CLCC1: variants seen among roughly 807,000 people sequenced by gnomAD.
CLCC1 encodes chloride channel CLIC-like protein 1.
A neutral mutation model predicts 63.3 loss-of-function variants in CLCC1; 39 were observed. The observed-to-expected ratio is 0.62, with a 90% CI of 0.48 to 0.81. CLCC1 has a LOEUF of 0.81. Ranked by LOEUF, CLCC1 falls within the 30% of genes least tolerant of loss-of-function variation. The pLI is 0.00. For missense variants in CLCC1, 549 were observed against 669.4 expected, an observed-to-expected ratio of 0.82 and a Z score of 1.98; for synonymous variants, 217 against 239.8, an observed-to-expected ratio of 0.90 and a Z score of 0.88.
intron 10 of CLCC1, among the ~76,000 whole-genome samples, chr1:108,938,112 A>G (rs338483): frequency 0.36 from 54,098 of 152,084 alleles, 11,665 homozygotes; most frequent in African/African-American, 0.6. Context: ...CAGTACTCGT[A>G]TGTTTTAAAT....
intron 3 of CLCC1, 140 bp downstream of exon 3, chr1:108,950,169 A>C: frequency 1.1e-6 from 1 of 880,182 alleles, no homozygotes; most frequent in South Asian, 2.0e-5. Flanking sequence ...TTTTAGATTA[A>C]CAGTGTCAAG....
At chr1:108,939,482 A>AT (rs1217590120) in intron 10 of CLCC1, among the ~76,000 whole-genome samples, 154 bp downstream of exon 10, 9 of 150,118 alleles carry the variant, frequency 6.0e-5, no homozygotes, top group African/African-American at 9.8e-5. Flanking sequence ...AATTTTTTGT[A>AT]TTTTTTTTAG....
chr1:108,936,085 G>GTTTTTTTT (rs530980387), intron 11 of CLCC1, among the ~76,000 whole-genome samples: 4 of 88,118 alleles, frequency 4.5e-5, no homozygotes, highest in Admixed American at 3.0e-4. Flanking sequence ...ATCTTAAGTT[G>GTTTTTTTT]TTTTTTTTTT....
intron 2 of CLCC1, among the ~76,000 whole-genome samples, chr1:108,954,508 C>G (rs371650183): frequency 6.6e-6 from 1 of 150,822 alleles, no homozygotes; most frequent in Non-Finnish European, 1.5e-5. Context: ...TCAAAAACAA[C>G]AACAACCACC....
intron 4 of CLCC1, among the ~76,000 whole-genome samples, chr1:108,948,789 T>C (rs1402202327): frequency 6.6e-6 from 1 of 152,250 alleles, no homozygotes; most frequent in Non-Finnish European, 1.5e-5. Flanking sequence ...AACTTTTGTA[T>C]AGCTCACTAT....
chr1:108,939,241 TATAA>T (rs1457169464), intron 10 of CLCC1, among the ~76,000 whole-genome samples: 89 of 145,770 alleles, frequency 6.1e-4, no homozygotes, highest in East Asian at 3.5e-3. Flanking sequence ...ATAATAAATA[TATAA>T]ATATAGACAG....
In CLCC1 at chr1:108,943,471, A is replaced by G; in HGVS notation, c.702+4T>C. On this transcript the variant is annotated splice_donor_region_variant and intron_variant, in intron 7 of 12. Coordinates refer to ENST00000369969, the MANE Select transcript of CLCC1 (RefSeq NM_001377458.1). ...AATTGTAAAACCCTCCATCCATATA[A>G]TACCTTATATAAATACATCCAATTC... 1.2e-6 allele frequency: 2 copies of G among 1,612,660 alleles called. No homozygotes were observed. The highest frequency in any genetic ancestry group is 1.7e-4 in the Middle Eastern group (1 of 6,060).
chr1:108,943,705 A>C, intron 6 of CLCC1, 90 bp from the exon 7 acceptor site: 1 of 1,540,878 alleles, frequency 6.5e-7, no homozygotes, highest in Admixed American at 1.8e-5. Flanking sequence ...TCATTTCTAC[A>C]ATTTTGTGGC....
In CLCC1 at chr1:108,943,525, T is replaced by C; in HGVS notation, c.652A>G (p.Ile218Val). ...CCCAAACTGAACAGAAAGCTGATGA[T>C]TAAAACACGTCTCAACTGAGTGTAC... is the stretch of plus-strand genomic sequence containing the variant. Reference protein sequence around the residue: ...RWYTQLRRVLIISFLFSLGWN... With the variant: ...RWYTQLRRVLVISFLFSLGWN... Residue 218 changes from isoleucine to valine, a missense_variant, in exon 7 of 13, where the codon ATC (isoleucine) becomes GTC (valine). Physicochemically the swap from Ile to Val is conservative, Grantham distance 29 (BLOSUM62 3). Coordinates refer to ENST00000369969, the MANE Select transcript of CLCC1 (RefSeq NM_001377458.1). The C allele has an allele frequency of 1.2e-6, 2 of 1,614,160 alleles. No homozygotes were observed. The highest frequency in any genetic ancestry group is 1.7e-6 in the Non-Finnish European group (2 of 1,179,994).
chr1:108,929,807 A>T lies in CLCC1; in HGVS notation c.*2740T>A. The T allele has an allele frequency of 6.2e-7, 1 of 1,614,174 alleles. No individual in the cohort carries two copies. The highest frequency in any genetic ancestry group is 8.5e-7 in the Non-Finnish European group (1 of 1,179,988). On this transcript the variant is annotated 3_prime_UTR_variant, in exon 13 of 13. Transcript: ENST00000369969. ...AGCCTTATTTTACGGTCCCAGGGAA[A>T]GAGAATGGATGAACAGAGAGTTCTT...
Position 108,933,784 on chromosome 1 carries a change from A to C in CLCC1, c.*45+841T>G, listed in dbSNP as rs1156359939. On this transcript the variant is annotated intron_variant, in intron 12 of 12. Transcript: ENST00000369969. Reference sequence around the variant, plus strand: ...CTGATGTCCTGTCTGCAGTTAAGGAAGACACCCAACTCTCTTCTTCCTCAT... The same window carrying C: ...CTGATGTCCTGTCTGCAGTTAAGGACGACACCCAACTCTCTTCTTCCTCAT... The C allele has an allele frequency of 2.0e-5, 3 of 152,238 alleles. 1 individual carries two copies. The highest frequency in any genetic ancestry group is 4.8e-5 in the African/African-American group (2 of 41,466). The allele number at this position is 152,238 out of a possible 1,614,324, so 9.4% of individuals were successfully genotyped here. A position where few individuals can be genotyped will look rare whatever the true frequency, so the allele number is the denominator to read the frequency against.
intron 4 of CLCC1, 103 bp downstream of exon 4, chr1:108,949,717 G>A (rs1047274708): frequency 2.6e-5 from 15 of 580,284 alleles, no homozygotes; most frequent in African/African-American, 2.4e-4. Context: ...AAAATCATAC[G>A]GTACACGGAA....
At chr1:108,939,926 CA>C (rs1209547300) in intron 9 of CLCC1, 118 bp downstream of exon 9, 1 of 1,272,920 alleles carries the variant, frequency 7.9e-7, no homozygotes, top group Non-Finnish European at 1.1e-6. Context: ...AATCACTGTG[CA>C]AAAGTATTTT....
In CLCC1 at chr1:108,937,271, C is replaced by T. The variant is rs751983843; in HGVS notation, c.1189G>A (p.Asp397Asn). The T allele has an allele frequency of 5.0e-6, 8 of 1,614,090 alleles. No homozygotes were observed. Among genetic ancestry groups the T allele is most frequent in the Non-Finnish European group, 5.9e-6 (7 of 1,180,038 alleles). Reference sequence around the variant, plus strand: ...CCCATTTGGCCCCTATAATGGAAATCGGCATCACCTGCTCCACCATCAGGT... The same window carrying T: ...CCCATTTGGCCCCTATAATGGAAATTGGCATCACCTGCTCCACCATCAGGT... ...YRPDGGAGDA[D>N]FHYRGQMGPT... Residue 397 changes from aspartate (D) to asparagine (N), a missense_variant, in exon 11 of 13, where the codon GAT becomes AAT. Transcript: ENST00000369969.
At position 108,940,958 on chromosome 1, in the gene CLCC1, T is replaced by TA. The variant is rs1000956959; in HGVS notation, c.796+446dup. Among the ~76,000 whole-genome samples the TA allele has an allele frequency of 5.3e-5, 8 of 152,160 alleles. No individual in the cohort carries two copies. In the South Asian group the frequency reaches 1.7e-3, roughly 32 times the overall value. ...AGAATGTTTATAAAATGTGAAAGAATAAAAAAACTAATTTTTCCCGTAGTT... is the reference window on the plus strand; with the variant it reads ...AGAATGTTTATAAAATGTGAAAGAATAAAAAAAACTAATTTTTCCCGTAGTT... On this transcript the variant is annotated intron_variant, in intron 8 of 12. Transcript: ENST00000369969.
chr1:108,951,757 A>G (rs539885719), intron 2 of CLCC1, among the ~76,000 whole-genome samples: 1 of 147,334 alleles, frequency 6.8e-6, no homozygotes, highest in Non-Finnish European at 1.5e-5. Context: ...AAAACCGTTG[A>G]ATTGTATACT....
chr1:108,946,634 G>T (rs1034846296), intron 5 of CLCC1, among the ~76,000 whole-genome samples: 1 of 152,082 alleles, frequency 6.6e-6, no homozygotes, highest in Admixed American at 6.6e-5. Context: ...TGGCAGGTGG[G>T]GCTAATGGCC....
At chr1:108,956,882 A>AGGCTGGGAGGCGGGGAGGCGGGGAGGGG (rs756017179) in intron 2 of CLCC1, among the ~76,000 whole-genome samples, 1 of 104,420 alleles carries the variant, frequency 9.6e-6, no homozygotes, top group African/African-American at 4.1e-5. Context: ...GCTGGGAGGC[A>AGGCTGGGAGGCGGGGAGGCGGGGAGGGG]GGGAGGCGGG....
intron 3 of CLCC1, 55 bp downstream of exon 3, chr1:108,950,254 T>C (rs1655018733): frequency 1.9e-6 from 3 of 1,557,910 alleles, no homozygotes; most frequent in Non-Finnish European, 2.6e-6. Flanking sequence ...AGCTAGACTG[T>C]TTCCATCATG....
Sources: gnomAD v4.1 joint callset for allele counts (sites outside exome capture counted in the v4.1 genomes callset) on GRCh38, gnomAD v4.1.1 for gene constraint, MANE v1.5 for transcripts, NCBI Gene and HGNC (gene_info 2026-07-23, HGNC 2026-07-21) for gene names.